Variants in RYR1 observed in about 807,000 individuals in gnomAD.
RYR1 encodes the protein ryanodine receptor 1.
Under a neutral mutation model 583.5 loss-of-function variants are expected in RYR1, and 342 were observed. That is an observed-to-expected ratio of 0.59 (90% CI 0.54 to 0.64). RYR1 has a LOEUF of 0.64. RYR1 is among the 30% of genes least tolerant of loss of function. The probability of loss-of-function intolerance (pLI) is 0.00; values close to 1 mark genes in which losing one functional copy is unlikely to be tolerated. For missense variants in RYR1, 6,032 were observed against 6,917.2 expected, an observed-to-expected ratio of 0.87 and a Z score of 4.54; for synonymous variants, 2,791 against 2,822.5, an observed-to-expected ratio of 0.99 and a Z score of 0.35.
rs752192756 is a variant in RYR1 at position 38,566,971 on chromosome 19, G to A, written c.13498G>A (p.Glu4500Lys). Residue 4500 changes from glutamate (E) to lysine (K), a missense_variant, in exon 92 of 106, where the codon GAG (glutamate) becomes AAG (lysine). By Grantham distance (56) the Glu-to-Lys change is moderately conservative. This residue lies in a region of RYR1 where 753 missense variants were observed against 759.6 expected (regional missense o/e 0.99). Coordinates refer to ENST00000359596, the MANE Select transcript of RYR1 (RefSeq NM_000540.3). Reference protein sequence around the residue: ...EPEPEPEPELEPEKADAENGE... With the variant: ...EPEPEPEPELKPEKADAENGE... ...AGAGCCCGAGCCGGAACCAGAGCTG[G>A]AGCCGGAGAAAGCCGAGTGAGTGGC... 6.1e-5 allele frequency: 97 copies of A among 1,600,486 alleles called. No individual in the cohort carries two copies. The Admixed American group carries it at 1.7e-3, about 27-fold the overall frequency.
At position 38,444,716 on chromosome 19, in the gene RYR1, C is replaced by CA; in HGVS notation, c.631+43dup. The CA allele has an allele frequency of 2.7e-6, 4 of 1,482,286 alleles. No homozygotes were observed. The highest frequency in any genetic ancestry group is 1.7e-4 in the Middle Eastern group (1 of 5,836). 91.8% of individuals were successfully genotyped at this position (1,482,286 alleles called of 1,614,324 possible). On this transcript the variant is annotated intron_variant, in intron 7 of 105. Coordinates refer to ENST00000359596, the MANE Select transcript of RYR1 (RefSeq NM_000540.3). The surrounding 1 kb of genome is among the most constrained non-coding windows in gnomAD (Gnocchi z 5.1). Reference sequence around the variant, plus strand: ...ACCTCCCCCTAAATGGAGATCCCCCCAAAACAGACCCTTAATGTTGCCCTT... The same window carrying CA: ...ACCTCCCCCTAAATGGAGATCCCCCCAAAAACAGACCCTTAATGTTGCCCTT...
chr19:38,530,824 C>T (rs550897107), intron 76 of RYR1, among the ~76,000 whole-genome samples: 5 of 147,384 alleles, frequency 3.4e-5, no homozygotes, highest in East Asian at 3.9e-4. Context: ...TTTTTTGAGA[C>T]GGAGTTTTGC....
At chr19:38,567,703 G>C in intron 92 of RYR1, 70 bp from the exon 93 acceptor site, 5 of 1,612,996 alleles carry the variant, frequency 3.1e-6, no homozygotes, top group Non-Finnish European at 3.4e-6. Context: ...TTGGTGAATG[G>C]TTTTGAATGA....
At position 38,566,985 on chromosome 19, in the gene RYR1, C is replaced by A. The variant is rs376229195; in HGVS notation, c.13512C>A (p.Ala4504=). Reference sequence around the variant, plus strand: ...AACCAGAGCTGGAGCCGGAGAAAGCCGAGTGAGTGGCCTTGGGGCTGAGGG... The same window carrying A: ...AACCAGAGCTGGAGCCGGAGAAAGCAGAGTGAGTGGCCTTGGGGCTGAGGG... ...EPEPELEPEK[A]DAENGEKEEV... The change falls in exon 92 of 106, where the codon GCC becomes GCA. Residue 4504 remains alanine, a splice_region_variant and synonymous_variant. Coordinates refer to ENST00000359596, the MANE Select transcript of RYR1 (RefSeq NM_000540.3). 4 of 1,592,058 alleles carry A rather than the reference C, an allele frequency of 2.5e-6. No individual in the cohort carries two copies. Among genetic ancestry groups the A allele is most frequent in the Non-Finnish European group, 3.4e-6 (4 of 1,169,128 alleles).
At chr19:38,454,341 G>A (rs1460409468) in intron 13 of RYR1, among the ~76,000 whole-genome samples, 2 of 152,212 alleles carry the variant, frequency 1.3e-5, no homozygotes, top group African/African-American at 4.8e-5. Flanking sequence ...CACCCAGACA[G>A]TTTTGTCCTT....
At chr19:38,446,831 A>T (rs1600650947) in intron 9 of RYR1, 63 bp downstream of exon 9, 1 of 1,334,612 alleles carries the variant, frequency 7.5e-7, no homozygotes, top group South Asian at 1.2e-5. Flanking sequence ...GGCTGGGAGG[A>T]CAGAAAAGGT....
In RYR1 at chr19:38,565,739, G is replaced by C. The variant is rs1599636564; in HGVS notation, c.13405G>C (p.Glu4469Gln). 1 of 1,427,766 alleles carries C rather than the reference G, an allele frequency of 7.0e-7. No individual in the cohort carries two copies. Among genetic ancestry groups the C allele is most frequent in the East Asian group, 2.9e-5 (1 of 34,152 alleles). The allele number at this position is 1,427,766 out of a possible 1,614,324, so 88.4% of individuals were successfully genotyped here. A position where few individuals can be genotyped will look rare whatever the true frequency, so the allele number is the denominator to read the frequency against. ...DTTPAEPPTP[E>Q]GSPILKRKLG... ...GACGCCTGCGGAACCGCCCACACCC[G>C]AGGGCTCTCCCATCCTCAAGAGGAA... The change falls in exon 91 of 106, where the codon GAG (glutamate) becomes CAG (glutamine). Residue 4469 changes from glutamate to glutamine, a missense_variant. Glu to Gln is a conservative substitution (Grantham distance 29). Transcript: ENST00000359596. The surrounding 1 kb of genome is among the most constrained non-coding windows in gnomAD (Gnocchi z 4.7).
At chr19:38,478,368 GA>G in intron 30 of RYR1, 66 bp from the exon 31 acceptor site, 1 of 1,571,092 alleles carries the variant, frequency 6.4e-7, no homozygotes. Context: ...GGAGCTTGGG[GA>G]AGGGGGTGTC....
Position 38,466,351 on chromosome 19 carries a change from C to T in RYR1, c.3131C>T (p.Thr1044Ile). 1 of 1,586,348 alleles carries T rather than the reference C, an allele frequency of 6.3e-7. No individual in the cohort carries two copies. The highest frequency in any genetic ancestry group is 1.1e-5 in the South Asian group (1 of 87,636). Residue 1044 changes from threonine (T) to isoleucine (I), a missense_variant, in exon 24 of 106, where the codon ACC becomes ATC. By Grantham distance (89) the Thr-to-Ile change is moderately conservative. Around this residue, in one of 11 missense-constraint regions of RYR1, gnomAD observed 2,627 missense variants for 2,961.3 expected, o/e 0.89. Coordinates refer to ENST00000359596, the MANE Select transcript of RYR1 (RefSeq NM_000540.3). ...GACAGCCTCTGCCAGGCCGTGCGCA[C>T]CCTCCTGGGCTACGGCTACAACATC... ...NRDSLCQAVR[T>I]LLGYGYNIEP...
intron 88 of RYR1, among the ~76,000 whole-genome samples, chr19:38,547,402 C>T (rs1972480959): frequency 1.3e-5 from 2 of 152,040 alleles, no homozygotes; most frequent in South Asian, 4.2e-4. Flanking sequence ...GCTTCAGCTG[C>T]TGCCTTTAGA....
chr19:38,499,374 C>G lies in RYR1; in HGVS notation c.7027+131C>G. ...GGAATCCCTTCCAGCAGGCCTGGGG[C>G]TGGCAGGGGCCTGTGTTACCCCTGG... On this transcript the variant is annotated intron_variant, in intron 43 of 105. Transcript: ENST00000359596. The surrounding 1 kb of genome is among the most constrained non-coding windows in gnomAD (Gnocchi z 7.3). The G allele has an allele frequency of 1.4e-6, 2 of 1,455,346 alleles. No individual in the cohort carries two copies. The allele number at this position is 1,455,346 out of a possible 1,614,324, so 90.2% of individuals were successfully genotyped here.
rs1912187896 is a variant in RYR1, at chr19:38,573,219, A to C, written c.14041A>C (p.Lys4681Gln). 3 of 1,613,882 alleles carry C rather than the reference A, an allele frequency of 1.9e-6. No homozygotes were observed. Among genetic ancestry groups the C allele is most frequent in the Non-Finnish European group, 2.5e-6 (3 of 1,179,946 alleles). Residue 4681 changes from lysine (K) to glutamine (Q), a missense_variant, in exon 96 of 106, where the codon AAG becomes CAG. By Grantham distance (53) the Lys-to-Gln change is moderately conservative (BLOSUM62 1). Transcript: ENST00000359596. ...IFKREKELAR[K>Q]LEFDGLYITE... Reference sequence around the variant, plus strand: ...TAAGCGGGAGAAGGAGCTGGCCCGGAAGCTGGAGTTTGATGGCCTGTACAT... The same window carrying C: ...TAAGCGGGAGAAGGAGCTGGCCCGGCAGCTGGAGTTTGATGGCCTGTACAT...
rs1297786508 is a variant in RYR1 at position 38,463,309 on chromosome 19, G to GA, written c.2578-111dup. The GA allele has an allele frequency of 1.3e-5, 11 of 826,822 alleles. 1 individual carries two copies. Among genetic ancestry groups the GA allele is most frequent in the African/African-American group, 8.4e-5 (5 of 59,524 alleles). The allele number at this position is 826,822 out of a possible 1,614,324, so 51.2% of individuals were successfully genotyped here. On this transcript the variant is annotated intron_variant, in intron 20 of 105. Coordinates refer to ENST00000359596, the MANE Select transcript of RYR1 (RefSeq NM_000540.3). ...GGGGAGCAGGGCTGCTGGATGGTGG[G>GA]AAAGGGGGTGCTGGAGGAGCCTCCC...
chr19:38,527,569 CA>C, intron 72 of RYR1, 77 bp from the exon 73 acceptor site: 1 of 1,590,602 alleles, frequency 6.3e-7, no homozygotes, highest in Non-Finnish European at 8.6e-7. Context: ...TGAGTCCTCC[CA>C]AAAACGGAAA....
In RYR1 at chr19:38,489,228, G is replaced by C. The variant is rs756606166; in HGVS notation, c.5599G>C (p.Glu1867Gln). 6.8e-6 allele frequency: 11 copies of C among 1,613,876 alleles called. No individual in the cohort carries two copies. Among genetic ancestry groups the C allele is most frequent in the Non-Finnish European group, 6.8e-6 (8 of 1,179,968 alleles). ...EDVKQILKMI[E>Q]PEVFTEEEEE... ...TGTGAAACAGATCTTGAAGATGATT[G>C]AGCCTGAGGTCTTCACTGAGGAAGA... Residue 1867 changes from glutamate to glutamine, a missense_variant, in exon 35 of 106, where the codon GAG becomes CAG. By Grantham distance (29) the Glu-to-Gln change is conservative (BLOSUM62 2). Coordinates refer to ENST00000359596, the MANE Select transcript of RYR1 (RefSeq NM_000540.3).
rs367637223 is a variant in RYR1 at position 38,478,469 on chromosome 19, G to A, written c.4489G>A (p.Gly1497Arg). 8.0e-5 allele frequency: 129 copies of A among 1,613,900 alleles called. No homozygotes were observed. Among genetic ancestry groups the A allele is most frequent in the Middle Eastern group, 3.3e-4 (2 of 6,022 alleles). Residue 1497 changes from glycine to arginine, a missense_variant, in exon 31 of 106, where the codon GGA becomes AGA. Transcript: ENST00000359596. Reference sequence around the variant, plus strand: ...TAGCAACTGCTACATGGTGTGGGGCGGAGACTTTGTGAGTCCCGGGCAGCA... The same window carrying A: ...TAGCAACTGCTACATGGTGTGGGGCAGAGACTTTGTGAGTCCCGGGCAGCA... The part of the protein sequence containing the change: ...KCSNCYMVWG[G>R]DFVSPGQQGR...
intron 83 of RYR1, chr19:38,537,243 G>A (rs577976750): frequency 6.1e-5 from 14 of 230,078 alleles, no homozygotes; most frequent in Admixed American, 4.6e-4. Context: ...CCTCCTCTGC[G>A]CCTGCCTCCT....
chr19:38,438,665 C>T lies in RYR1; in HGVS notation c.46-2080C>T, dbSNP rs192788833. Among the ~76,000 whole-genome samples the T allele has an allele frequency of 2.6e-3, 334 of 129,064 alleles. 2 individuals are homozygous for T. The highest frequency in any genetic ancestry group is 9.8e-3 in the African/African-American group (324 of 33,024). 84.7% of individuals were successfully genotyped at this position (129,064 alleles called of 152,430 possible). On this transcript the variant is annotated intron_variant, in intron 1 of 105. Coordinates refer to ENST00000359596, the MANE Select transcript of RYR1 (RefSeq NM_000540.3). ...ATGGAGTCTCGCTCTGTCACCCAGG[C>T]TCGAGTTCAGTGGTGCGATCTCGGC...
chr19:38,535,141 G>A lies in RYR1; in HGVS notation c.11360G>A (p.Gly3787Glu). Residue 3787 changes from glycine (G) to glutamate (E), a missense_variant and splice_region_variant, in exon 80 of 106, where the codon GGA becomes GAA. Around this residue, in one of 11 missense-constraint regions of RYR1, gnomAD observed 1,493 missense variants for 1,715.5 expected, o/e 0.87. Coordinates refer to ENST00000359596, the MANE Select transcript of RYR1 (RefSeq NM_000540.3). The part of the protein sequence containing the change: ...MVLQMISACK[G>E]ETGAMVSSTL... ...ATCTTTTTTCTCCCACTCCCTCCAG[G>A]AGAGACAGGTGCCATGGTGTCCTCC... The A allele has an allele frequency of 6.2e-7, 1 of 1,613,576 alleles. No individual in the cohort carries two copies. Among genetic ancestry groups the A allele is most frequent in the South Asian group, 1.1e-5 (1 of 91,060 alleles).
Sources: gnomAD v4.1 joint callset for allele counts (sites outside exome capture counted in the v4.1 genomes callset) on GRCh38, gnomAD v4.1.1 for gene constraint, gnomAD v4.1.1 regional missense constraint, Gnocchi (gnomAD v3.1) non-coding constraint, MANE v1.5 for transcripts, NCBI Gene and HGNC (gene_info 2026-07-23, HGNC 2026-07-21) for gene names.